Variants in CTNNA3 observed in about 807,000 individuals in gnomAD.
CTNNA3 encodes catenin alpha-3.
A neutral mutation model predicts 95.7 loss-of-function variants in CTNNA3; 76 were observed. The ratio of observed to expected loss-of-function variants is 0.79; its 90% CI spans 0.66 to 0.96. The LOEUF is 0.96. Ranked by LOEUF, CTNNA3 falls within the 40% of genes least tolerant of loss-of-function variation. CTNNA3 has a pLI of 0.00. For synonymous variants in CTNNA3, 431 were observed against 374.4 expected, an observed-to-expected ratio of 1.15 and a Z score of -1.74; for missense variants, 1,191 against 1,089.8, an observed-to-expected ratio of 1.09 and a Z score of -1.31.
chr10:66,022,598 GACAC>G (rs34537265), intron 15 of CTNNA3, among the ~76,000 whole-genome samples: 5,615 of 149,322 alleles, frequency 0.038, 283 homozygotes, highest in African/African-American at 0.12. Context: ...ATATGCACAT[GACAC>G]ACACACACAC....
intron 12 of CTNNA3, among the ~76,000 whole-genome samples, chr10:66,351,686 G>A (rs1343850788): frequency 2.0e-5 from 3 of 151,942 alleles, no homozygotes; most frequent in Non-Finnish European, 1.5e-5. Context: ...GCACTATCAT[G>A]TTTAGTAGCA....
chr10:66,978,571 A>ATATATATATAT (rs1850220512), intron 7 of CTNNA3, among the ~76,000 whole-genome samples: 5 of 136,000 alleles, frequency 3.7e-5, no homozygotes, highest in Non-Finnish European at 6.3e-5. Context: ...ATATATATAT[A>ATATATATATAT]GTATGGTGTA....
At chr10:67,682,987 G>A (rs1840655867) in intron 1 of CTNNA3, among the ~76,000 whole-genome samples, 1 of 152,196 alleles carries the variant, frequency 6.6e-6, no homozygotes, top group Admixed American at 6.5e-5. Context: ...GAAGATACAA[G>A]ATCAACCTGC....
At chr10:67,454,015 C>T (rs1847083096) in intron 5 of CTNNA3, among the ~76,000 whole-genome samples, 1 of 151,882 alleles carries the variant, frequency 6.6e-6, no homozygotes, top group Non-Finnish European at 1.5e-5. Context: ...ATAAGAATTT[C>T]CTCTGTATGT....
intron 14 of CTNNA3, among the ~76,000 whole-genome samples, chr10:66,080,034 C>T (rs894175552): frequency 2.0e-4 from 31 of 152,046 alleles, no homozygotes; most frequent in African/African-American, 6.5e-4. Flanking sequence ...ATTCGGATCG[C>T]TTGAAGTCAG....
intron 15 of CTNNA3, among the ~76,000 whole-genome samples, chr10:65,996,659 G>A (rs1274516456): frequency 3.9e-5 from 6 of 152,118 alleles, no homozygotes; most frequent in Non-Finnish European, 7.4e-5. Flanking sequence ...TAGCCTTATG[G>A]TCTGCAGGGG....
chr10:66,411,008 T>A (rs1279268562), intron 11 of CTNNA3, among the ~76,000 whole-genome samples: 3 of 152,220 alleles, frequency 2.0e-5, no homozygotes, highest in Admixed American at 1.3e-4. Context: ...GGCAAAGCTG[T>A]GATTAGATTA....
chr10:67,017,986 G>T (rs1283114714), intron 7 of CTNNA3, among the ~76,000 whole-genome samples: 1 of 152,056 alleles, frequency 6.6e-6, no homozygotes, highest in Admixed American at 6.6e-5. Flanking sequence ...TGGCAAGGCT[G>T]GTCTCAAACT....
intron 5 of CTNNA3, among the ~76,000 whole-genome samples, chr10:67,233,045 C>T (rs1865292733): frequency 6.6e-6 from 1 of 152,186 alleles, no homozygotes; most frequent in Non-Finnish European, 1.5e-5. Context: ...GACTTAGACT[C>T]CCACACAATA....
rs1276652495 is a variant in CTNNA3 at position 67,176,098 on chromosome 10, T to C, written c.1047+4219A>G. Among the ~76,000 whole-genome samples the C allele has an allele frequency of 2.0e-5, 3 of 152,316 alleles. No individual in the cohort carries two copies. The South Asian group carries it at 6.2e-4, about 32-fold the overall frequency. ...ATTTTTTCTGATCCTAAATGTTTCC[T>C]GGAGTGTATTTTTAATGAATAAAAA... On this transcript the variant is annotated intron_variant, in intron 7 of 17. Coordinates refer to ENST00000433211, the MANE Select transcript of CTNNA3 (RefSeq NM_013266.4).
chr10:67,227,252 C>T (rs750952921), intron 5 of CTNNA3, among the ~76,000 whole-genome samples: 4 of 151,934 alleles, frequency 2.6e-5, no homozygotes, highest in East Asian at 1.9e-4. Flanking sequence ...CCACCATGCC[C>T]GGCTAATTTT....
intron 13 of CTNNA3, among the ~76,000 whole-genome samples, chr10:66,205,277 T>C (rs928228243): frequency 2.6e-5 from 4 of 151,954 alleles, no homozygotes; most frequent in Non-Finnish European, 4.4e-5. Flanking sequence ...ATGACACCCA[T>C]TTTTTTAAAA....
chr10:67,451,473 A>G (rs1429128690), intron 5 of CTNNA3, among the ~76,000 whole-genome samples: 1 of 152,232 alleles, frequency 6.6e-6, no homozygotes, highest in Non-Finnish European at 1.5e-5. Flanking sequence ...AGATCAAACA[A>G]GCAGATAACA....
intron 2 of CTNNA3, among the ~76,000 whole-genome samples, chr10:67,633,958 T>C (rs1465684917): frequency 6.6e-6 from 1 of 151,982 alleles, no homozygotes; most frequent in African/African-American, 2.4e-5. Flanking sequence ...GGCCAACATA[T>C]AAATTCAGGG....
At position 66,672,275 on chromosome 10, in the gene CTNNA3, G is replaced by A. The variant is rs149000542; in HGVS notation, c.1282-50491C>T. 6.1e-3 allele frequency among the ~76,000 whole-genome samples: 931 copies of A among 152,150 alleles called. 10 individuals carry two copies. The highest frequency in any genetic ancestry group is 0.016 in the African/African-American group (678 of 41,518). ...AAAAAAATAGTGAGTACCTAACAAA[G>A]TTATAGGCTCTGTGTGAAGAAGATA... On this transcript the variant is annotated intron_variant, in intron 9 of 17. Transcript: ENST00000433211.
chr10:67,610,882 G>A (rs928474253), intron 2 of CTNNA3, among the ~76,000 whole-genome samples: 4 of 152,136 alleles, frequency 2.6e-5, no homozygotes, highest in African/African-American at 9.7e-5. Context: ...TCAGACTTCA[G>A]GGGTCCCTCT....
At chr10:67,553,902 C>T (rs574269501) in intron 3 of CTNNA3, among the ~76,000 whole-genome samples, 3 of 152,202 alleles carry the variant, frequency 2.0e-5, no homozygotes, top group African/African-American at 7.2e-5. Context: ...AATGCTATCC[C>T]TCCCCGTTCC....
chr10:67,297,583 T>TC (rs1564544624), intron 5 of CTNNA3, among the ~76,000 whole-genome samples: 1 of 152,112 alleles, frequency 6.6e-6, no homozygotes, highest in Admixed American at 6.5e-5. Context: ...CATAGGAAAT[T>TC]CCCCACGAAG....
chr10:67,569,373 C>T (rs1841912247), intron 3 of CTNNA3, among the ~76,000 whole-genome samples: 1 of 152,034 alleles, frequency 6.6e-6, no homozygotes, highest in Admixed American at 6.6e-5. Context: ...ACAGTAATTC[C>T]AGTTTTTAAA....
Sources: gnomAD v4.1 joint callset for allele counts (sites outside exome capture counted in the v4.1 genomes callset) on GRCh38, gnomAD v4.1.1 for gene constraint, MANE v1.5 for transcripts, NCBI Gene and HGNC (gene_info 2026-07-23, HGNC 2026-07-21) for gene names.